The following CCNI variants were observed in gnomAD, a reference collection of about 807,000 sequenced individuals.
The protein encoded by CCNI is cyclin I.
In CCNI, 14 loss-of-function variants were observed where a neutral mutation model predicts 34.1. The ratio of observed to expected loss-of-function variants is 0.41; its 90% CI spans 0.27 to 0.64. CCNI has a LOEUF of 0.64. Among genes scored for constraint, CCNI ranks in the 30% least tolerant of loss-of-function variants. CCNI has a pLI of 0.31. For missense variants in CCNI, 385 were observed against 440.5 expected (o/e 0.87, Z 1.13); for synonymous variants, 154 against 158.4 (o/e 0.97, Z 0.21).
intron 4 of CCNI, 22 bp from the exon 5 acceptor site, chr4:77,056,124 A>C: frequency 6.2e-7 from 1 of 1,609,082 alleles, no homozygotes; most frequent in Non-Finnish European, 8.5e-7. Context: ...AAAGGGGAAC[A>C]GGGACAGGGA....
chr4:77,075,338 G>C (rs1729829905), intron 1 of CCNI, 134 bp downstream of exon 1: 3 of 179,918 alleles, frequency 1.7e-5, no homozygotes, highest in Non-Finnish European at 3.2e-5. Flanking sequence ...GATGCGGGAG[G>C]GTGGGTCTCC....
chr4:77,055,504 C>T (rs1578236892), intron 5 of CCNI, 124 bp from the exon 6 acceptor site: 1 of 683,544 alleles, frequency 1.5e-6, no homozygotes. Flanking sequence ...ACTCTGTTGC[C>T]CAGGCTGGAG....
At chr4:77,067,882 G>A (rs1013285112) in intron 1 of CCNI, among the ~76,000 whole-genome samples, 108 of 148,098 alleles carry the variant, frequency 7.3e-4, no homozygotes, top group African/African-American at 2.6e-3. Flanking sequence ...AACTGCTAAA[G>A]AATGTGAAAA....
At position 77,055,078 on chromosome 4, in the gene CCNI, G is replaced by C. The variant is rs1189257339; in HGVS notation, c.690+72C>G. 9 of 938,800 alleles carry C rather than the reference G, an allele frequency of 9.6e-6. No homozygotes were observed. In the Admixed American group the frequency reaches 2.0e-4, roughly 21 times the overall value. 58.2% of individuals were successfully genotyped at this position (938,800 alleles called of 1,614,324 possible). A position where few individuals can be genotyped will look rare whatever the true frequency, so the allele number is the denominator to read the frequency against. On this transcript the variant is annotated intron_variant, in intron 6 of 6. Coordinates refer to ENST00000237654, the MANE Select transcript of CCNI (RefSeq NM_006835.3). Reference sequence around the variant, plus strand: ...ATTACAACATGAGAAATGTCTTTTAGTTTGGTAACTCTATGTATTCCAATA... The same window carrying C: ...ATTACAACATGAGAAATGTCTTTTACTTTGGTAACTCTATGTATTCCAATA...
In CCNI at chr4:77,047,766, T is replaced by C. The variant is rs1727527878; in HGVS notation, c.*453A>G. On this transcript the variant is annotated 3_prime_UTR_variant, in exon 7 of 7. Transcript: ENST00000237654. Reference sequence around the variant, plus strand: ...TGTCACACTGAAATAATTTGTTCATTCAACTGCAGTGAAAATCAATATAGA... The same window carrying C: ...TGTCACACTGAAATAATTTGTTCATCCAACTGCAGTGAAAATCAATATAGA... 2 of 155,220 alleles carry C rather than the reference T, an allele frequency of 1.3e-5. No homozygotes were observed. Among genetic ancestry groups the C allele is most frequent in the African/African-American group, 4.8e-5 (2 of 41,462 alleles). The allele number at this position is 155,220 out of a possible 1,614,324, so 9.6% of individuals were successfully genotyped here.
Position 77,075,619 on chromosome 4 carries a change from G to A in CCNI, c.-191C>T. Reference sequence around the variant, plus strand: ...GCGGGACGACTCGGCCAACTGAGGAGGGAGAAAGGGGAAGCGGATCGGGGG... The same window carrying A: ...GCGGGACGACTCGGCCAACTGAGGAAGGAGAAAGGGGAAGCGGATCGGGGG... On this transcript the variant is annotated 5_prime_UTR_variant, in exon 1 of 7. Transcript: ENST00000237654. 6 of 963,090 alleles carry A rather than the reference G, an allele frequency of 6.2e-6. No individual in the cohort carries two copies. The highest frequency in any genetic ancestry group is 4.9e-6 in the Non-Finnish European group (4 of 808,198). The allele number at this position is 963,090 out of a possible 1,614,324, so 59.7% of individuals were successfully genotyped here. A position where few individuals can be genotyped will look rare whatever the true frequency, so the allele number is the denominator to read the frequency against.
Position 77,075,655 on chromosome 4 carries a change from G to C in CCNI, c.-227C>G, listed in dbSNP as rs917369019. ...GAAGCGGATCGGGGGGCGCGGGCGC[G>C]GGCGCTGGCGCTCGAGCGGGACGCA... On this transcript the variant is annotated 5_prime_UTR_variant, in exon 1 of 7. Transcript: ENST00000237654. The C allele has an allele frequency of 2.8e-5, 20 of 712,370 alleles. No homozygotes were observed. The highest frequency in any genetic ancestry group is 3.2e-5 in the Non-Finnish European group (19 of 587,278). 44.1% of individuals were successfully genotyped at this position (712,370 alleles called of 1,614,324 possible).
intron 6 of CCNI, among the ~76,000 whole-genome samples, chr4:77,051,790 A>G (rs1727857403): frequency 6.6e-6 from 1 of 152,186 alleles, no homozygotes; most frequent in Non-Finnish European, 1.5e-5. Context: ...AGGTGTCAAG[A>G]GAATATGTAT....
chr4:77,056,465 C>G (rs1201545979), intron 3 of CCNI, 142 bp from the exon 4 acceptor site: 1 of 627,166 alleles, frequency 1.6e-6, no homozygotes, highest in African/African-American at 1.8e-5. Context: ...GTGACTGCCA[C>G]TCATTACTTT....
At chr4:77,073,994 C>T (rs567757891) in intron 1 of CCNI, among the ~76,000 whole-genome samples, 9 of 141,492 alleles carry the variant, frequency 6.4e-5, no homozygotes, top group African/African-American at 2.2e-4. Flanking sequence ...TGTGGAAAGC[C>T]CTTTTTTTCT....
At position 77,048,365 on chromosome 4, in the gene CCNI, C is replaced by T. The variant is rs1727582940; in HGVS notation, c.988G>A (p.Val330Met). 6.2e-7 allele frequency: 1 copy of T among 1,614,150 alleles called. No individual in the cohort carries two copies. Among genetic ancestry groups the T allele is most frequent in the South Asian group, 1.1e-5 (1 of 91,082 alleles). ...STKRKVEEME[V>M]DDFYDGIKRL... ...TTGATTCCATCATAGAAGTCATCCA[C>T]TTCCATTTCCTCTACTTTGCGTTTA... Residue 330 changes from valine to methionine, a missense_variant, in exon 7 of 7, where the codon GTG becomes ATG. Transcript: ENST00000237654.
chr4:77,056,386 TAAC>T, intron 3 of CCNI, 63 bp from the exon 4 acceptor site: 7 of 1,259,028 alleles, frequency 5.6e-6, no homozygotes, highest in African/African-American at 1.5e-5. Context: ...TAACTTTTTG[TAAC>T]TGTTTTAAAA....
At chr4:77,054,286 C>A (rs1728061041) in intron 6 of CCNI, among the ~76,000 whole-genome samples, 1 of 151,956 alleles carries the variant, frequency 6.6e-6, no homozygotes. Flanking sequence ...TAGTTTATTG[C>A]AAAATGTTAA....
chr4:77,070,349 C>T (rs1214534157), intron 1 of CCNI, among the ~76,000 whole-genome samples: 2 of 151,362 alleles, frequency 1.3e-5, no homozygotes, highest in African/African-American at 4.9e-5. Flanking sequence ...AAGACCACAC[C>T]TCGGTATCAA....
chr4:77,057,679 G>A (rs1035523370), intron 3 of CCNI, among the ~76,000 whole-genome samples: 11 of 152,158 alleles, frequency 7.2e-5, no homozygotes, highest in African/African-American at 2.7e-4. Context: ...ACATGGCAAT[G>A]GGGACAATAT....
chr4:77,074,351 A>T (rs558183700), intron 1 of CCNI, among the ~76,000 whole-genome samples: 1 of 152,238 alleles, frequency 6.6e-6, no homozygotes, highest in East Asian at 1.9e-4. Flanking sequence ...TAGCCAATCT[A>T]CATCTATTCC....
intron 1 of CCNI, among the ~76,000 whole-genome samples, chr4:77,067,892 A>C (rs1241140757): frequency 6.6e-6 from 1 of 150,772 alleles, no homozygotes; most frequent in Admixed American, 6.6e-5. Context: ...GAATGTGAAA[A>C]GGTGGCTGGG....
chr4:77,073,310 C>T (rs4252785), intron 1 of CCNI, among the ~76,000 whole-genome samples: 9,239 of 152,232 alleles, frequency 0.061, 940 homozygotes, highest in African/African-American at 0.21. Context: ...AAAAGGCTTA[C>T]TGTACAGCAT....
intron 2 of CCNI, among the ~76,000 whole-genome samples, chr4:77,061,547 T>C (rs4252854): frequency 0.058 from 8,791 of 152,204 alleles, 869 homozygotes; most frequent in African/African-American, 0.2. Context: ...CTGCTAGTCT[T>C]CTCCTTAAAA....
Sources: allele counts gnomAD v4.1 joint callset (sites outside exome capture counted in the v4.1 genomes callset), GRCh38; gene constraint gnomAD v4.1.1; transcripts MANE v1.5; gene names NCBI Gene and HGNC (gene_info 2026-07-23, HGNC 2026-07-21).